Variants in SNRPA observed in about 807,000 individuals in gnomAD.
SNRPA encodes the protein U1 small nuclear ribonucleoprotein A.
SNRPA carries 10 observed loss-of-function variants against 24.5 expected under a neutral mutation model. The observed-to-expected ratio is 0.41, with a 90% CI of 0.25 to 0.69. The LOEUF (loss-of-function observed/expected upper bound fraction) is 0.69, where lower values mean the gene tolerates loss of function less well. Among genes scored for constraint, SNRPA ranks in the 30% least tolerant of loss-of-function variants. The pLI, the probability that SNRPA is intolerant of heterozygous loss-of-function variation, is 0.33. For missense variants in SNRPA, 283 were observed against 394.7 expected (o/e 0.72, Z 2.40); for synonymous variants, 165 against 148.4 (o/e 1.11, Z -0.81).
At chr19:40,753,414 T>TTTTTTTTTTA (rs2082894085) in intron 1 of SNRPA, among the ~76,000 whole-genome samples, 1 of 57,328 alleles carries the variant, frequency 1.7e-5, no homozygotes, top group Non-Finnish European at 3.4e-5. Flanking sequence ...TTTTTTTTTT[T>TTTTTTTTTTA]GAGGCAGAGT....
intron 5 of SNRPA, 125 bp downstream of exon 5, chr19:40,763,800 C>T (rs1235676681): frequency 1.0e-5 from 8 of 799,838 alleles, no homozygotes; most frequent in Admixed American, 5.9e-5. Context: ...GAAGGGACAG[C>T]GACCAAAGAT....
chr19:40,757,726 T>C (rs1599727821), intron 2 of SNRPA, among the ~76,000 whole-genome samples: 2 of 151,846 alleles, frequency 1.3e-5, no homozygotes, highest in East Asian at 3.9e-4. Context: ...GTGGATTACC[T>C]GAGCTCAGGA....
chr19:40,755,922 G>T (rs2082906683), intron 1 of SNRPA, among the ~76,000 whole-genome samples: 1 of 152,134 alleles, frequency 6.6e-6, no homozygotes, highest in Non-Finnish European at 1.5e-5. Context: ...CAGTAAAATT[G>T]GGACAGTCAT....
At chr19:40,753,693 G>A (rs867196109) in intron 1 of SNRPA, among the ~76,000 whole-genome samples, 1 of 151,926 alleles carries the variant, frequency 6.6e-6, no homozygotes, top group Non-Finnish European at 1.5e-5. Flanking sequence ...CACCACACCC[G>A]GCCTGCATAT....
chr19:40,762,879 A>G (rs534644697), intron 3 of SNRPA, 22 bp from the exon 4 acceptor site: 15 of 1,608,302 alleles, frequency 9.3e-6, no homozygotes, highest in Non-Finnish European at 1.1e-5. Context: ...GTAACCACGC[A>G]CTCTCCTCCC....
At chr19:40,760,647 C>T (rs891843641) in intron 3 of SNRPA, among the ~76,000 whole-genome samples, 2 of 152,146 alleles carry the variant, frequency 1.3e-5, no homozygotes, top group South Asian at 4.1e-4. Context: ...AGGGGAAGCT[C>T]CAGCAACCAG....
intron 1 of SNRPA, chr19:40,756,931 G>A (rs959213386): frequency 9.0e-6 from 2 of 221,220 alleles, no homozygotes; most frequent in Non-Finnish European, 1.8e-5. Context: ...GGGGGCCAGT[G>A]TGGTTGGGAA....
Position 40,757,317 on chromosome 19 carries a change from T to A in SNRPA, c.74-15T>A. On this transcript the variant is annotated splice_polypyrimidine_tract_variant and intron_variant, in intron 1 of 5. Transcript: ENST00000243563. The stretch of plus-strand genomic sequence containing the variant: ...AAAAAGGGGAGCTCAAAGGTCTTTT[T>A]TTCCCCCACTGCAGAGCTAAAAAAG... The A allele has an allele frequency of 6.2e-7, 1 of 1,613,698 alleles. No individual in the cohort carries two copies. Among genetic ancestry groups the A allele is most frequent in the South Asian group, 1.1e-5 (1 of 91,044 alleles).
chr19:40,755,879 G>C (rs2082906535), intron 1 of SNRPA, among the ~76,000 whole-genome samples: 1 of 152,158 alleles, frequency 6.6e-6, no homozygotes, highest in Non-Finnish European at 1.5e-5. Flanking sequence ...TTGATGCCCT[G>C]GGCCAGTGAG....
intron 5 of SNRPA, 43 bp downstream of exon 5, chr19:40,763,718 C>A: frequency 6.7e-7 from 1 of 1,483,902 alleles, no homozygotes; most frequent in Non-Finnish European, 9.4e-7. Context: ...AGGGTGATGG[C>A]CAGGAGGCAT....
chr19:40,755,704 T>C (rs1049940687), intron 1 of SNRPA, among the ~76,000 whole-genome samples: 3 of 152,178 alleles, frequency 2.0e-5, no homozygotes, highest in Non-Finnish European at 4.4e-5. Context: ...GCATAAGACA[T>C]TGGTGCCCTT....
At chr19:40,752,197 C>A (rs1042806837) in intron 1 of SNRPA, among the ~76,000 whole-genome samples, 7 of 151,908 alleles carry the variant, frequency 4.6e-5, no homozygotes, top group Admixed American at 4.6e-4. Flanking sequence ...ATTAGCCGGG[C>A]ATGGTGGCGC....
intron 3 of SNRPA, 86 bp downstream of exon 3, chr19:40,759,696 TC>T: frequency 7.8e-7 from 1 of 1,281,198 alleles, no homozygotes; most frequent in Non-Finnish European, 1.1e-6. Context: ...TGGGGAGAGT[TC>T]TCCCCTTGGG....
At chr19:40,752,775 A>G (rs762416228) in intron 1 of SNRPA, among the ~76,000 whole-genome samples, 3 of 151,916 alleles carry the variant, frequency 2.0e-5, no homozygotes, top group Middle Eastern at 3.4e-3. Flanking sequence ...AAAGAACTCA[A>G]TTATTGAAAT....
intron 1 of SNRPA, among the ~76,000 whole-genome samples, chr19:40,752,855 C>G (rs1461727465): frequency 6.6e-6 from 1 of 152,134 alleles, no homozygotes; most frequent in Non-Finnish European, 1.5e-5. Flanking sequence ...GATCTAAAAA[C>G]TGAGCAAAAT....
chr19:40,752,317 AC>A (rs1202754552), intron 1 of SNRPA, among the ~76,000 whole-genome samples: 1 of 151,884 alleles, frequency 6.6e-6, no homozygotes, highest in East Asian at 1.9e-4. Context: ...AGCCTGGGCA[AC>A]AAGAGCGAAA....
chr19:40,759,627 A>G lies in SNRPA; in HGVS notation c.426+17A>G. On this transcript the variant is annotated intron_variant, in intron 3 of 5. Coordinates refer to ENST00000243563, the MANE Select transcript of SNRPA (RefSeq NM_004596.5). Reference sequence around the variant, plus strand: ...CCTGTCCCGGTAAGCCAGGTCCCGGAGACCAACCCTCCCACTGCCAGACCT... The same window carrying G: ...CCTGTCCCGGTAAGCCAGGTCCCGGGGACCAACCCTCCCACTGCCAGACCT... 6.3e-7 allele frequency: 1 copy of G among 1,584,232 alleles called. No homozygotes were observed. The highest frequency in any genetic ancestry group is 8.6e-7 in the Non-Finnish European group (1 of 1,166,620).
chr19:40,756,907 GGT>G (rs1166654976), intron 1 of SNRPA: 5 of 191,582 alleles, frequency 2.6e-5, no homozygotes, highest in African/African-American at 1.2e-4. Context: ...GGGCAAAATT[GGT>G]GTGTCAGACC....
rs370999186 is a variant in SNRPA, at chr19:40,759,413, C to T, written c.247-18C>T. 1.2e-6 allele frequency: 2 copies of T among 1,603,198 alleles called. No homozygotes were observed. Among genetic ancestry groups the T allele is most frequent in the East Asian group, 4.5e-5 (2 of 44,572 alleles). On this transcript the variant is annotated intron_variant, in intron 2 of 5. Transcript: ENST00000243563. ...TCTGAATCCACGCTCTTAACCCGTT[C>T]TGCTCTCTGTTTGGTAGCGTATCCA...
Sources: allele counts gnomAD v4.1 joint callset (sites outside exome capture counted in the v4.1 genomes callset), GRCh38; gene constraint gnomAD v4.1.1; transcripts MANE v1.5; gene names NCBI Gene and HGNC (gene_info 2026-07-23, HGNC 2026-07-21).